CSGALNACT1: variants seen among roughly 807,000 people sequenced by gnomAD.
The protein encoded by CSGALNACT1 is beta4GalNAcT-1.
In CSGALNACT1, 52 loss-of-function variants were observed where a neutral mutation model predicts 51.0. The observed-to-expected ratio is 1.02, with a 90% CI of 0.82 to 1.29. CSGALNACT1 has a LOEUF of 1.29. Among genes scored for constraint, CSGALNACT1 ranks in the 50% most tolerant of loss-of-function variants. CSGALNACT1 has a pLI of 0.00. For missense variants in CSGALNACT1, 935 were observed against 679.2 expected, an observed-to-expected ratio of 1.38 and a Z score of -4.19; for synonymous variants, 341 against 254.4, an observed-to-expected ratio of 1.34 and a Z score of -3.24.
chr8:19,661,227 C>G lies in CSGALNACT1; in HGVS notation c.-544+21246G>C, dbSNP rs538100105. Among the ~76,000 whole-genome samples the G allele has an allele frequency of 3.9e-5, 6 of 152,178 alleles. No individual in the cohort carries two copies. The South Asian group carries it at 8.3e-4, about 21-fold the overall frequency. On this transcript the variant is annotated intron_variant, in intron 1 of 9. Transcript: ENST00000332246. ...CCACTCCCAGGAGGACCATTCAGTT[C>G]TGTCACCCAGGAGCCACAAGGCCTC... is the stretch of plus-strand genomic sequence containing the variant.
chr8:19,449,396 C>T (rs2062690627), intron 5 of CSGALNACT1, among the ~76,000 whole-genome samples: 1 of 152,098 alleles, frequency 6.6e-6, no homozygotes. Flanking sequence ...CTAGACTATG[C>T]AAAAGACATC....
exon 10 of CSGALNACT1, chr8:19,405,300 ACT>A (rs2053929436): frequency 4.4e-6 from 2 of 454,022 alleles, no homozygotes; most frequent in African/African-American, 4.0e-5. Context: ...TAATGTACTC[ACT>A]AGTATCATAA....
chr8:19,618,320 A>G (rs2053316268), intron 1 of CSGALNACT1, among the ~76,000 whole-genome samples: 1 of 152,180 alleles, frequency 6.6e-6, no homozygotes, highest in Admixed American at 6.5e-5. Flanking sequence ...CTATGACTGT[A>G]GGGCTGGCAT....
intron 1 of CSGALNACT1, among the ~76,000 whole-genome samples, chr8:19,658,456 G>C (rs781255976): frequency 2.6e-5 from 4 of 152,158 alleles, no homozygotes. Context: ...ACAAGAGGCC[G>C]GGCATGGTGG....
intron 1 of CSGALNACT1, among the ~76,000 whole-genome samples, chr8:19,671,238 T>C (rs1564395553): frequency 6.6e-6 from 1 of 152,140 alleles, no homozygotes; most frequent in Non-Finnish European, 1.5e-5. Context: ...TGCCAGACCC[T>C]GAAGGTTCTA....
At chr8:19,663,582 T>G (rs899934492) in intron 1 of CSGALNACT1, among the ~76,000 whole-genome samples, 1 of 152,176 alleles carries the variant, frequency 6.6e-6, no homozygotes, top group Non-Finnish European at 1.5e-5. Context: ...ACAGCCTGGG[T>G]ACAGTGGTAC....
chr8:19,499,846 G>C (rs2076115696), intron 4 of CSGALNACT1, among the ~76,000 whole-genome samples: 1 of 152,080 alleles, frequency 6.6e-6, no homozygotes, highest in Non-Finnish European at 1.5e-5. Flanking sequence ...TTCTAGCATG[G>C]GGCTCTTCAG....
intron 8 of CSGALNACT1, among the ~76,000 whole-genome samples, chr8:19,412,242 G>A (rs942604852): frequency 1.3e-5 from 2 of 152,190 alleles, no homozygotes; most frequent in Non-Finnish European, 2.9e-5. Flanking sequence ...TGCAGGGCAT[G>A]AATGTACCAC....
chr8:19,489,376 T>C (rs2073849001), intron 4 of CSGALNACT1, among the ~76,000 whole-genome samples: 1 of 152,138 alleles, frequency 6.6e-6, no homozygotes, highest in Non-Finnish European at 1.5e-5. Context: ...AGTCTCTCTC[T>C]CAAAGGAAAA....
At chr8:19,465,696 C>G (rs918695782) in intron 4 of CSGALNACT1, among the ~76,000 whole-genome samples, 5 of 152,208 alleles carry the variant, frequency 3.3e-5, no homozygotes, top group South Asian at 2.1e-4. Context: ...GCTTTAAACT[C>G]TCTTCCTAAA....
At chr8:19,736,816 G>C (rs2064007288) in intron 1 of CSGALNACT1, among the ~76,000 whole-genome samples, 1 of 152,042 alleles carries the variant, frequency 6.6e-6, no homozygotes, top group Non-Finnish European at 1.5e-5. Context: ...GGAAACACCA[G>C]AAACATTGGG....
chr8:19,466,348 T>C (rs111909284), intron 4 of CSGALNACT1, among the ~76,000 whole-genome samples: 4 of 152,278 alleles, frequency 2.6e-5, no homozygotes, highest in African/African-American at 4.8e-5. Context: ...GCGATGATCA[T>C]TTAAGATAAA....
At chr8:19,673,847 T>C (rs1345469530) in intron 1 of CSGALNACT1, among the ~76,000 whole-genome samples, 2 of 152,230 alleles carry the variant, frequency 1.3e-5, no homozygotes, top group Non-Finnish European at 2.9e-5. Context: ...GTTTGTCTTT[T>C]GGTGCACTCA....
At chr8:19,693,854 G>T (rs532841609) in intron 1 of CSGALNACT1, among the ~76,000 whole-genome samples, 165 of 152,146 alleles carry the variant, frequency 1.1e-3, no homozygotes, top group Admixed American at 2.9e-3. Context: ...AGTAATTACG[G>T]TTTTTGCCAT....
At chr8:19,466,592 G>A (rs1212294889) in intron 4 of CSGALNACT1, among the ~76,000 whole-genome samples, 2 of 152,142 alleles carry the variant, frequency 1.3e-5, no homozygotes, top group African/African-American at 4.8e-5. Flanking sequence ...GATCACATGA[G>A]ATAAATGAGA....
At chr8:19,552,262 C>T (rs1176451671) in intron 3 of CSGALNACT1, among the ~76,000 whole-genome samples, 1 of 152,058 alleles carries the variant, frequency 6.6e-6, no homozygotes, top group South Asian at 2.1e-4. Context: ...ATTTCAAACA[C>T]AGTAAGAAAG....
At chr8:19,662,342 C>G (rs983479321) in intron 1 of CSGALNACT1, among the ~76,000 whole-genome samples, 39 of 152,166 alleles carry the variant, frequency 2.6e-4, no homozygotes, top group African/African-American at 7.2e-4. Flanking sequence ...GATCACACCA[C>G]TGCACTCCAG....
chr8:19,659,473 G>C (rs751952057), intron 1 of CSGALNACT1, among the ~76,000 whole-genome samples: 1 of 152,156 alleles, frequency 6.6e-6, no homozygotes, highest in Admixed American at 6.5e-5. Context: ...AACTGTGTGT[G>C]TTTCCGACAG....
At chr8:19,476,619 C>G (rs1220348609) in intron 4 of CSGALNACT1, among the ~76,000 whole-genome samples, 1 of 152,170 alleles carries the variant, frequency 6.6e-6, no homozygotes, top group South Asian at 2.1e-4. Context: ...TCACAGGGGC[C>G]TATAACTGCA....
Sources: gnomAD v4.1 joint callset for allele counts (sites outside exome capture counted in the v4.1 genomes callset) on GRCh38, gnomAD v4.1.1 for gene constraint, MANE v1.5 for transcripts, NCBI Gene and HGNC (gene_info 2026-07-23, HGNC 2026-07-21) for gene names.